Variants in TRPM8 observed in about 807,000 individuals in gnomAD.
TRPM8 encodes the protein TRPM8 cationic channel.
Under a neutral mutation model 133.7 loss-of-function variants are expected in TRPM8, and 110 were observed. The observed-to-expected ratio is 0.82, with a 90% CI of 0.70 to 0.96. The LOEUF is 0.96. TRPM8 is among the 40% of genes least tolerant of loss of function. TRPM8 has a pLI of 0.00. For synonymous variants in TRPM8, 535 were observed against 532.3 expected (o/e 1.01, Z -0.07); for missense variants, 1,291 against 1,379.5 (o/e 0.94, Z 1.02).
At chr2:233,932,170 T>C (rs750506783) in intron 3 of TRPM8, among the ~76,000 whole-genome samples, 43 of 152,348 alleles carry the variant, frequency 2.8e-4, no homozygotes, top group Non-Finnish European at 5.4e-4. Flanking sequence ...TGGGATCTTG[T>C]GGCTGAAAAG....
At chr2:233,971,147 C>T (rs1403935115) in intron 17 of TRPM8, among the ~76,000 whole-genome samples, 2 of 152,204 alleles carry the variant, frequency 1.3e-5, no homozygotes, top group African/African-American at 4.8e-5. Context: ...CTGTTGTCCC[C>T]TCTGAACCTA....
intron 21 of TRPM8, among the ~76,000 whole-genome samples, chr2:233,994,841 G>A (rs1454825672): frequency 6.6e-6 from 1 of 152,158 alleles, no homozygotes; most frequent in African/African-American, 2.4e-5. Context: ...ATCAGGATTT[G>A]CCTTCAAACA....
intron 1 of TRPM8, among the ~76,000 whole-genome samples, chr2:233,921,255 C>T (rs1003756): frequency 0.25 from 37,263 of 152,016 alleles, 7,745 homozygotes; most frequent in African/African-American, 0.55. Context: ...CTGCCACAAC[C>T]GAATTTTGGA....
chr2:233,936,039 G>C (rs1690726227), intron 3 of TRPM8, among the ~76,000 whole-genome samples: 1 of 152,172 alleles, frequency 6.6e-6, no homozygotes. Context: ...AAGTCACCTT[G>C]ATGGAGCAGG....
At chr2:233,985,987 G>T in intron 21 of TRPM8, 122 bp downstream of exon 21, 1 of 921,960 alleles carries the variant, frequency 1.1e-6, no homozygotes, top group Non-Finnish European at 1.6e-6. Context: ...GATCTTTTGG[G>T]GGATTGGTGG....
At chr2:233,948,868 A>C (rs915119858) in intron 8 of TRPM8, among the ~76,000 whole-genome samples, 1 of 152,174 alleles carries the variant, frequency 6.6e-6, no homozygotes. Context: ...CCCTGTCTCT[A>C]CTAAAAAATA....
Position 233,939,051 on chromosome 2 carries a change from C to T in TRPM8, c.402C>T (p.Thr134=), listed in dbSNP as rs200288663. Residue 134 remains threonine, a synonymous_variant, in exon 5 of 26, where the codon ACC becomes ACT. Transcript: ENST00000324695. ...TDAEILYELL[T]QHWHLKTPNL... ...CGGAAATCCTTTACGAGCTGCTGAC[C>T]CAGCACTGGCACCTGAAAACACCCA... is the stretch of plus-strand genomic sequence containing the variant. The T allele has an allele frequency of 2.5e-6, 4 of 1,614,068 alleles. No homozygotes were observed. The highest frequency in any genetic ancestry group is 1.7e-5 in the Admixed American group (1 of 60,016).
chr2:233,956,357 C>G (rs761905198), intron 11 of TRPM8, among the ~76,000 whole-genome samples: 1 of 152,150 alleles, frequency 6.6e-6, no homozygotes, highest in African/African-American at 2.4e-5. Context: ...ACTGCATTTT[C>G]TCACTTTTCA....
At chr2:233,958,538 A>T (rs901033535) in intron 11 of TRPM8, among the ~76,000 whole-genome samples, 2 of 152,168 alleles carry the variant, frequency 1.3e-5, no homozygotes, top group Non-Finnish European at 2.9e-5. Flanking sequence ...CCTCTACATG[A>T]TTCTGATTAA....
rs1692135870 is a variant in TRPM8 at position 233,985,835 on chromosome 2, T to C, written c.2909T>C (p.Leu970Pro). The part of the protein sequence containing the change: ...VCIYMLSTNI[L>P]LVNLLVAMFG... ...ATCTACATGTTATCCACCAACATCC[T>C]GCTGGTCAACCTGCTGGTCGCCATG... The change falls in exon 21 of 26, where the codon CTG (leucine) becomes CCG (proline). Residue 970 changes from leucine (L) to proline (P), a missense_variant. Physicochemically the swap from Leu to Pro is moderately conservative, Grantham distance 98. Around this residue, in one of 2 missense-constraint regions of TRPM8, gnomAD observed 328 missense variants for 410.6 expected, o/e 0.80. Transcript: ENST00000324695. 6.2e-7 allele frequency: 1 copy of C among 1,614,042 alleles called. No individual in the cohort carries two copies. The highest frequency in any genetic ancestry group is 1.3e-5 in the African/African-American group (1 of 74,928).
chr2:233,918,855 G>T (rs1453323782), intron 1 of TRPM8, among the ~76,000 whole-genome samples: 2 of 152,150 alleles, frequency 1.3e-5, no homozygotes. Context: ...TCTCTGGATG[G>T]TGTCATTTAT....
At chr2:233,938,932 G>C (rs2125086124) in intron 4 of TRPM8, 66 bp from the exon 5 acceptor site, 1 of 1,545,080 alleles carries the variant, frequency 6.5e-7, no homozygotes, top group Admixed American at 1.8e-5. Context: ...AGTTGGGAGG[G>C]AATGCTAAAC....
intron 11 of TRPM8, among the ~76,000 whole-genome samples, chr2:233,959,062 G>A (rs1476969008): frequency 6.6e-6 from 1 of 152,120 alleles, no homozygotes; most frequent in East Asian, 1.9e-4. Context: ...TTTTGCTCTT[G>A]TCGTCCAGGC....
chr2:233,938,014 C>T (rs1297635926), intron 4 of TRPM8, among the ~76,000 whole-genome samples: 1 of 152,232 alleles, frequency 6.6e-6, no homozygotes, highest in African/African-American at 2.4e-5. Flanking sequence ...AGGGCCTGGG[C>T]CTCTCATCTC....
intron 13 of TRPM8, among the ~76,000 whole-genome samples, chr2:233,964,243 A>T (rs1330195896): frequency 6.6e-6 from 1 of 152,034 alleles, no homozygotes; most frequent in African/African-American, 2.4e-5. Flanking sequence ...TGACTTGACC[A>T]CTTCAAGGGA....
At chr2:233,934,224 G>A (rs868368734) in intron 3 of TRPM8, among the ~76,000 whole-genome samples, 7 of 152,140 alleles carry the variant, frequency 4.6e-5, no homozygotes, top group African/African-American at 1.7e-4. Context: ...GTACTCAGCA[G>A]GTCCCCTCTG....
chr2:233,959,368 C>T (rs1691375695), intron 11 of TRPM8, among the ~76,000 whole-genome samples: 1 of 139,698 alleles, frequency 7.2e-6, no homozygotes, highest in African/African-American at 2.8e-5. Flanking sequence ...ACTCTGTCAC[C>T]CAAGCTGGAG....
At chr2:233,975,097 C>T (rs1253866591) in intron 17 of TRPM8, among the ~76,000 whole-genome samples, 3 of 152,186 alleles carry the variant, frequency 2.0e-5, no homozygotes, top group Non-Finnish European at 4.4e-5. Flanking sequence ...TTGAGCTTTT[C>T]CAGTTCCTAA....
chr2:233,921,677 C>CTTTTTTT (rs11373529), intron 1 of TRPM8, among the ~76,000 whole-genome samples: 77 of 106,628 alleles, frequency 7.2e-4, no homozygotes, highest in African/African-American at 1.7e-3. Flanking sequence ...CTTTTCTTTT[C>CTTTTTTT]TTTTTTTTTT....
Sources: allele counts gnomAD v4.1 joint callset (sites outside exome capture counted in the v4.1 genomes callset), GRCh38; gene constraint gnomAD v4.1.1; regional missense constraint gnomAD v4.1.1; transcripts MANE v1.5; gene names NCBI Gene and HGNC (gene_info 2026-07-23, HGNC 2026-07-21).